CCSER1: variants seen among roughly 807,000 people sequenced by gnomAD.
The protein encoded by CCSER1 is serine-rich coiled-coil domain-containing protein 1.
In CCSER1, 41 loss-of-function variants were observed where a neutral mutation model predicts 82.0. The ratio of observed to expected loss-of-function variants is 0.50; its 90% CI spans 0.39 to 0.65. The LOEUF is 0.65. Ranked by LOEUF, CCSER1 falls within the 30% of genes least tolerant of loss-of-function variation. CCSER1 has a pLI of 0.00. For missense variants in CCSER1, 1,119 were observed against 1,064.2 expected, an observed-to-expected ratio of 1.05 and a Z score of -0.72; for synonymous variants, 414 against 383.9, an observed-to-expected ratio of 1.08 and a Z score of -0.92.
chr4:90,613,936 A>C (rs952779414), intron 5 of CCSER1, among the ~76,000 whole-genome samples: 1 of 152,196 alleles, frequency 6.6e-6, no homozygotes, highest in Non-Finnish European at 1.5e-5. Flanking sequence ...CTCAGGTTTA[A>C]ATACTGGCAT....
rs544529191 is a variant in CCSER1 at position 90,251,055 on chromosome 4, C to A, written c.-41-57189C>A. ...TCTTGTATCTGTCAACCTTATCAAA[C>A]TTGTTTATTAGTTGCAATAGTTTAT... is the stretch of plus-strand genomic sequence containing the variant. On this transcript the variant is annotated intron_variant, in intron 1 of 10. Coordinates refer to ENST00000509176, the MANE Select transcript of CCSER1 (RefSeq NM_001145065.2). 2.6e-5 allele frequency among the ~76,000 whole-genome samples: 4 copies of A among 151,854 alleles called. No homozygotes were observed. In the South Asian group the frequency reaches 8.3e-4, roughly 32 times the overall value.
intron 10 of CCSER1, among the ~76,000 whole-genome samples, chr4:91,100,468 C>A (rs748188877): frequency 3.7e-4 from 56 of 152,162 alleles, no homozygotes; most frequent in Non-Finnish European, 4.1e-4. Context: ...ATTTTACTGT[C>A]TGCGTTGACT....
intron 10 of CCSER1, among the ~76,000 whole-genome samples, chr4:91,208,685 G>A (rs533379507): frequency 9.2e-5 from 14 of 151,776 alleles, no homozygotes; most frequent in African/African-American, 1.4e-4. Context: ...TTGCTAAGGC[G>A]TTCCTTAGCT....
At position 90,968,602 on chromosome 4, in the gene CCSER1, G is replaced by C. The variant is rs113102764; in HGVS notation, c.2172+45155G>C. Among the ~76,000 whole-genome samples, 64 of 152,170 alleles carry C rather than the reference G, an allele frequency of 4.2e-4. 1 individual carries two copies. Among genetic ancestry groups the C allele is most frequent in the African/African-American group, 1.5e-3 (63 of 41,474 alleles). ...CAATACTTAAACTTTTCCTCAAGAG[G>C]GAACAGGAGGAGTGGAACAGGTACA... On this transcript the variant is annotated intron_variant, in intron 9 of 10. Coordinates refer to ENST00000509176, the MANE Select transcript of CCSER1 (RefSeq NM_001145065.2).
intron 10 of CCSER1, among the ~76,000 whole-genome samples, chr4:91,535,867 G>C (rs1056142848): frequency 2.6e-5 from 4 of 151,886 alleles, no homozygotes; most frequent in Non-Finnish European, 5.9e-5. Flanking sequence ...ATGCTTACAG[G>C]GTACTTATAA....
intron 10 of CCSER1, among the ~76,000 whole-genome samples, chr4:91,203,426 C>T (rs2149071536): frequency 6.6e-6 from 1 of 151,942 alleles, no homozygotes; most frequent in Non-Finnish European, 1.5e-5. Flanking sequence ...TAATACTACT[C>T]TTCTGTTCCA....
intron 10 of CCSER1, among the ~76,000 whole-genome samples, chr4:91,169,921 C>G (rs1198812516): frequency 2.0e-5 from 3 of 152,088 alleles, no homozygotes; most frequent in Non-Finnish European, 4.4e-5. Context: ...ATATCTAGGC[C>G]TACTTTCAAT....
chr4:91,346,567 G>A (rs1748077319), intron 10 of CCSER1, among the ~76,000 whole-genome samples: 1 of 152,160 alleles, frequency 6.6e-6, no homozygotes. Context: ...TTGCAAAACT[G>A]TCTTCCAAAG....
At chr4:90,258,594 A>G (rs937093081) in intron 1 of CCSER1, among the ~76,000 whole-genome samples, 8 of 152,236 alleles carry the variant, frequency 5.3e-5, no homozygotes, top group Non-Finnish European at 8.8e-5. Flanking sequence ...ATGTTAAAAT[A>G]CACAAAGTTC....
intron 10 of CCSER1, among the ~76,000 whole-genome samples, chr4:91,456,193 C>A (rs906748955): frequency 6.6e-6 from 1 of 152,030 alleles, no homozygotes; most frequent in Admixed American, 6.6e-5. Context: ...TGTGTCCTTG[C>A]ATGGTGAAAA....
rs11935425 is a variant in CCSER1, at chr4:90,499,911, C to G, written c.1724+31557C>G. 4.4e-3 allele frequency among the ~76,000 whole-genome samples: 675 copies of G among 152,228 alleles called. 8 individuals carry two copies. Among genetic ancestry groups the G allele is most frequent in the African/African-American group, 0.016 (653 of 41,540 alleles). On this transcript the variant is annotated intron_variant, in intron 5 of 10. Coordinates refer to ENST00000509176, the MANE Select transcript of CCSER1 (RefSeq NM_001145065.2). ...GGAATAAGTTTATTTCATGGAAAAA[C>G]ACAAACATGGAGGGACCAAATTAGT...
At chr4:91,361,982 G>T (rs889838165) in intron 10 of CCSER1, among the ~76,000 whole-genome samples, 1 of 151,766 alleles carries the variant, frequency 6.6e-6, no homozygotes, top group African/African-American at 2.4e-5. Flanking sequence ...AAACCTCTCT[G>T]AGCAGATATC....
intron 1 of CCSER1, among the ~76,000 whole-genome samples, chr4:90,263,849 A>C (rs1035206241): frequency 1.3e-5 from 2 of 152,048 alleles, no homozygotes; most frequent in Non-Finnish European, 2.9e-5. Context: ...CCCCTTTGTG[A>C]ATTCTTCTGT....
chr4:90,233,634 TA>T (rs201436932), intron 1 of CCSER1, among the ~76,000 whole-genome samples: 66,419 of 140,406 alleles, frequency 0.47, 15,719 homozygotes, highest in South Asian at 0.62. Context: ...AATAATAAAT[TA>T]AAAAAAAAAA....
At chr4:90,548,725 A>AAGAT (rs1205183488) in intron 5 of CCSER1, among the ~76,000 whole-genome samples, 5 of 127,256 alleles carry the variant, frequency 3.9e-5, no homozygotes, top group Admixed American at 1.5e-4. Context: ...TTATCATTTA[A>AAGAT]AGATATATAT....
chr4:90,671,261 A>C (rs888798032), intron 6 of CCSER1, among the ~76,000 whole-genome samples: 1 of 152,046 alleles, frequency 6.6e-6, no homozygotes, highest in Non-Finnish European at 1.5e-5. Flanking sequence ...CCATTCATAA[A>C]AGATTTCTCT....
chr4:90,130,170 G>A (rs993584377), intron 1 of CCSER1, among the ~76,000 whole-genome samples: 3 of 152,068 alleles, frequency 2.0e-5, no homozygotes, highest in Non-Finnish European at 4.4e-5. Flanking sequence ...TCATAATAAA[G>A]GGCCTAACGT....
chr4:91,108,334 G>A (rs1581572046), intron 10 of CCSER1, among the ~76,000 whole-genome samples: 1 of 152,140 alleles, frequency 6.6e-6, no homozygotes, highest in Non-Finnish European at 1.5e-5. Context: ...TGGCATTGGG[G>A]TAGATAGTCA....
intron 1 of CCSER1, among the ~76,000 whole-genome samples, chr4:90,142,212 G>A (rs1464071598): frequency 6.6e-6 from 1 of 152,118 alleles, no homozygotes; most frequent in African/African-American, 2.4e-5. Context: ...ACTTTGTTAA[G>A]GTCATGTAAC....
Sources: gnomAD v4.1 joint callset for allele counts (sites outside exome capture counted in the v4.1 genomes callset) on GRCh38, gnomAD v4.1.1 for gene constraint, MANE v1.5 for transcripts, NCBI Gene and HGNC (gene_info 2026-07-23, HGNC 2026-07-21) for gene names.